The following MEGF11 variants were observed in gnomAD, a reference collection of about 807,000 sequenced individuals.
The protein encoded by MEGF11 is multiple EGF like domains 11.
MEGF11 carries 126 observed loss-of-function variants against 146.6 expected under a neutral mutation model. That is an observed-to-expected ratio of 0.86 (90% CI 0.74 to 1.00). The LOEUF (loss-of-function observed/expected upper bound fraction) is 1.00, where lower values mean the gene tolerates loss of function less well. Ranked by LOEUF, MEGF11 falls within the 50% of genes least tolerant of loss-of-function variation. The pLI is 0.00. For missense variants in MEGF11, 1,509 were observed against 1,521.2 expected, an observed-to-expected ratio of 0.99 and a Z score of 0.13; for synonymous variants, 532 against 583.4, an observed-to-expected ratio of 0.91 and a Z score of 1.27.
At chr15:65,993,016 G>A (rs1350233303) in intron 5 of MEGF11, among the ~76,000 whole-genome samples, 1 of 152,176 alleles carries the variant, frequency 6.6e-6, no homozygotes, top group Non-Finnish European at 1.5e-5. Context: ...ACCCATGAGA[G>A]GCAGGAGAGG....
chr15:65,898,194 G>C (rs2078398797), intron 25 of MEGF11, 100 bp from the exon 26 acceptor site: 2 of 1,471,752 alleles, frequency 1.4e-6, no homozygotes, highest in Non-Finnish European at 1.8e-6. Flanking sequence ...AAGGAGCCAG[G>C]GATTTATAAA....
At chr15:66,216,538 G>A (rs544813737) in intron 1 of MEGF11, among the ~76,000 whole-genome samples, 1 of 152,198 alleles carries the variant, frequency 6.6e-6, no homozygotes, top group African/African-American at 2.4e-5. Context: ...TGCCTTCCAG[G>A]GCCCTGCTGA....
At chr15:66,135,885 T>C (rs781131368) in intron 1 of MEGF11, among the ~76,000 whole-genome samples, 14 of 152,198 alleles carry the variant, frequency 9.2e-5, no homozygotes, top group Non-Finnish European at 1.9e-4. Flanking sequence ...GCTTAACCTC[T>C]CTGAGTTTCA....
intron 5 of MEGF11, among the ~76,000 whole-genome samples, chr15:66,015,476 GA>G (rs940708801): frequency 3.9e-5 from 6 of 152,172 alleles, no homozygotes; most frequent in African/African-American, 1.4e-4. Flanking sequence ...GGGTTATGGG[GA>G]AATAAAGATG....
intron 1 of MEGF11, among the ~76,000 whole-genome samples, chr15:66,131,634 C>T (rs1243412342): frequency 6.6e-6 from 1 of 152,208 alleles, no homozygotes; most frequent in African/African-American, 2.4e-5. Context: ...TTCTCTACAG[C>T]TGGGTTCTGT....
At chr15:66,145,573 A>G (rs763592803) in intron 1 of MEGF11, among the ~76,000 whole-genome samples, 6 of 152,160 alleles carry the variant, frequency 3.9e-5, no homozygotes, top group Non-Finnish European at 7.3e-5. Flanking sequence ...TCACACCTGC[A>G]TATCTGGAAG....
chr15:66,237,326 C>CT (rs2092117108), intron 1 of MEGF11, among the ~76,000 whole-genome samples: 4 of 46,484 alleles, frequency 8.6e-5, no homozygotes, highest in African/African-American at 4.5e-4. Flanking sequence ...CCAACTCACT[C>CT]CCCCCAACAA....
At chr15:65,916,999 A>G in intron 16 of MEGF11, 43 bp from the exon 17 acceptor site, 2 of 1,449,694 alleles carry the variant, frequency 1.4e-6, no homozygotes, top group South Asian at 1.4e-5. Flanking sequence ...GAAGGCAGAG[A>G]GGGGCAGACG....
At chr15:65,988,212 T>C (rs2081930988) in intron 5 of MEGF11, among the ~76,000 whole-genome samples, 1 of 151,954 alleles carries the variant, frequency 6.6e-6, no homozygotes, top group Non-Finnish European at 1.5e-5. Flanking sequence ...TTTCACCATG[T>C]TGGCCAGGCT....
chr15:66,106,281 T>G (rs961559306), intron 4 of MEGF11, among the ~76,000 whole-genome samples: 1 of 152,152 alleles, frequency 6.6e-6, no homozygotes, highest in Non-Finnish European at 1.5e-5. Flanking sequence ...ACTTGGTACA[T>G]AGGTTACTGG....
At chr15:65,909,212 C>G in intron 22 of MEGF11, 77 bp from the exon 23 acceptor site, 3 of 1,058,012 alleles carry the variant, frequency 2.8e-6, no homozygotes, top group Non-Finnish European at 4.2e-6. Context: ...AGGAAGTACA[C>G]AAGTGGGCCA....
chr15:66,008,450 C>CAA (rs1555460860), intron 5 of MEGF11, among the ~76,000 whole-genome samples: 24 of 151,530 alleles, frequency 1.6e-4, no homozygotes, highest in African/African-American at 5.6e-4. Flanking sequence ...CACACACACA[C>CAA]AAAATTACAG....
At chr15:65,949,831 C>A (rs2080329776) in intron 10 of MEGF11, among the ~76,000 whole-genome samples, 1 of 152,224 alleles carries the variant, frequency 6.6e-6, no homozygotes, top group African/African-American at 2.4e-5. Flanking sequence ...CTCCATCAGT[C>A]TGGCCGCCTA....
chr15:66,128,172 G>A, intron 2 of MEGF11, 134 bp downstream of exon 2: 1 of 507,374 alleles, frequency 2.0e-6, no homozygotes, highest in Non-Finnish European at 3.4e-6. Context: ...CTCTCAGCAT[G>A]TGGGCCATCT....
intron 8 of MEGF11, among the ~76,000 whole-genome samples, chr15:65,968,774 C>T (rs904757146): frequency 6.6e-6 from 1 of 152,128 alleles, no homozygotes; most frequent in Non-Finnish European, 1.5e-5. Flanking sequence ...CAACCAGATA[C>T]ATTGCTCAAT....
At chr15:66,064,454 CA>C (rs2085032742) in intron 5 of MEGF11, among the ~76,000 whole-genome samples, 1 of 152,160 alleles carries the variant, frequency 6.6e-6, no homozygotes, top group African/African-American at 2.4e-5. Context: ...CTCACTACAA[CA>C]GAATTTCAGG....
chr15:65,953,130 G>A (rs998268410), intron 10 of MEGF11, among the ~76,000 whole-genome samples: 5 of 152,152 alleles, frequency 3.3e-5, no homozygotes, highest in African/African-American at 1.2e-4. Flanking sequence ...ACGGGCATGG[G>A]GGAAGCAACG....
At chr15:66,132,769 C>T (rs2088704327) in intron 1 of MEGF11, among the ~76,000 whole-genome samples, 1 of 152,104 alleles carries the variant, frequency 6.6e-6, no homozygotes, top group Non-Finnish European at 1.5e-5. Context: ...TTGGAAATTT[C>T]TCCCCTCCTA....
At chr15:65,984,397 G>A (rs2081770715) in intron 5 of MEGF11, among the ~76,000 whole-genome samples, 1 of 151,888 alleles carries the variant, frequency 6.6e-6, no homozygotes, top group South Asian at 2.1e-4. Context: ...GTGGCAGCAT[G>A]CGCCTGTAGT....
Sources: gnomAD v4.1 joint callset for allele counts (sites outside exome capture counted in the v4.1 genomes callset) on GRCh38, gnomAD v4.1.1 for gene constraint, MANE v1.5 for transcripts, NCBI Gene and HGNC (gene_info 2026-07-23, HGNC 2026-07-21) for gene names.